The following TMEM163 variants were observed in gnomAD, a reference collection of about 807,000 sequenced individuals.
The protein encoded by TMEM163 is transmembrane protein 163.
TMEM163 carries 17 observed loss-of-function variants against 29.3 expected under a neutral mutation model. The ratio of observed to expected loss-of-function variants is 0.58; its 90% CI spans 0.40 to 0.87. TMEM163 has a LOEUF of 0.87. Ranked by LOEUF, TMEM163 falls within the 40% of genes least tolerant of loss-of-function variation. TMEM163 has a pLI of 0.00. For synonymous variants in TMEM163, 157 were observed against 160.6 expected (o/e 0.98, Z 0.17); for missense variants, 303 against 381.5 (o/e 0.79, Z 1.71).
intron 2 of TMEM163, among the ~76,000 whole-genome samples, chr2:134,691,125 G>A (rs940404264): frequency 7.9e-5 from 12 of 152,110 alleles, no homozygotes; most frequent in Admixed American, 3.3e-4. Context: ...CAGCAGTGAG[G>A]GCCTCAGCAG....
chr2:134,512,587 G>A (rs145125452), intron 4 of TMEM163, among the ~76,000 whole-genome samples: 167 of 152,352 alleles, frequency 1.1e-3, no homozygotes, highest in African/African-American at 3.8e-3. Flanking sequence ...AGGCACGCCA[G>A]AATTCATTCA....
chr2:134,605,970 T>C (rs1316720751), intron 2 of TMEM163, among the ~76,000 whole-genome samples: 2 of 151,934 alleles, frequency 1.3e-5, no homozygotes, highest in African/African-American at 4.9e-5. Flanking sequence ...GAAGTCCCCC[T>C]GGGGGTGATT....
chr2:134,484,033 G>A lies in TMEM163; in HGVS notation c.556-17808C>T, dbSNP rs1462777340. Reference sequence around the variant, plus strand: ...GGCGTGCCTGTAATCCCAGCTACTCGGGAGAGGTTGAGGCAGGAGAATCCC... The same window carrying A: ...GGCGTGCCTGTAATCCCAGCTACTCAGGAGAGGTTGAGGCAGGAGAATCCC... On this transcript the variant is annotated intron_variant, in intron 5 of 7. Coordinates refer to ENST00000281924, the MANE Select transcript of TMEM163 (RefSeq NM_030923.5). Among the ~76,000 whole-genome samples the A allele has an allele frequency of 5.3e-5, 8 of 152,100 alleles. No homozygotes were observed. In the East Asian group the frequency reaches 7.8e-4, roughly 15 times the overall value.
At chr2:134,536,863 A>T (rs1382190492) in intron 4 of TMEM163, among the ~76,000 whole-genome samples, 1 of 152,220 alleles carries the variant, frequency 6.6e-6, no homozygotes, top group Non-Finnish European at 1.5e-5. Flanking sequence ...TCTAGGGCCT[A>T]CAGGCACTTA....
intron 4 of TMEM163, among the ~76,000 whole-genome samples, chr2:134,536,965 G>A (rs983556313): frequency 6.6e-6 from 1 of 152,178 alleles, no homozygotes; most frequent in African/African-American, 2.4e-5. Flanking sequence ...TATTAATCAG[G>A]AAGGGGGTTG....
At position 134,497,833 on chromosome 2, in the gene TMEM163, A is replaced by G. The variant is rs371645870; in HGVS notation, c.555+5068T>C. On this transcript the variant is annotated intron_variant, in intron 5 of 7. Transcript: ENST00000281924. ...GCTTTCCCCAGACAAAGACAGCTAC[A>G]GCTGACTGAAGCCCAAGAGAGAGCA... Among the ~76,000 whole-genome samples, 88 of 152,300 alleles carry G rather than the reference A, an allele frequency of 5.8e-4. 1 individual carries two copies. Among genetic ancestry groups the G allele is most frequent in the African/African-American group, 1.9e-3 (79 of 41,562 alleles).
intron 2 of TMEM163, among the ~76,000 whole-genome samples, chr2:134,707,698 C>T (rs941865029): frequency 4.0e-5 from 6 of 151,840 alleles, no homozygotes; most frequent in South Asian, 2.1e-4. Context: ...AGGAAATTGG[C>T]GGTGTCATGG....
intron 2 of TMEM163, among the ~76,000 whole-genome samples, chr2:134,681,617 T>A (rs1345992431): frequency 6.6e-6 from 1 of 152,170 alleles, no homozygotes; most frequent in Non-Finnish European, 1.5e-5. Context: ...CTTCTATAAG[T>A]CACACAGGTT....
At chr2:134,584,265 T>G (rs929883396) in intron 2 of TMEM163, among the ~76,000 whole-genome samples, 33 of 152,144 alleles carry the variant, frequency 2.2e-4, no homozygotes, top group African/African-American at 7.7e-4. Context: ...AACCTTGAAA[T>G]GAAGAACATA....
chr2:134,633,441 G>A (rs1430954073), intron 2 of TMEM163, among the ~76,000 whole-genome samples: 1 of 152,098 alleles, frequency 6.6e-6, no homozygotes, highest in Non-Finnish European at 1.5e-5. Context: ...TGAGGCGAGA[G>A]GAAGAACTAA....
intron 2 of TMEM163, among the ~76,000 whole-genome samples, chr2:134,593,663 G>A (rs1275068835): frequency 1.3e-5 from 2 of 152,084 alleles, no homozygotes; most frequent in African/African-American, 4.8e-5. Context: ...TGGAAGGTAA[G>A]CCGAGTCTTG....
At chr2:134,611,612 A>C (rs1574279873) in intron 2 of TMEM163, among the ~76,000 whole-genome samples, 2 of 152,192 alleles carry the variant, frequency 1.3e-5, no homozygotes, top group Non-Finnish European at 2.9e-5. Flanking sequence ...GAGAGTGATG[A>C]GCAAAAGAAC....
intron 2 of TMEM163, among the ~76,000 whole-genome samples, chr2:134,661,128 C>T (rs1326036305): frequency 6.7e-6 from 1 of 149,696 alleles, no homozygotes; most frequent in Non-Finnish European, 1.5e-5. Context: ...TACTCTCTCA[C>T]ACACACATAC....
chr2:134,586,098 T>G (rs1681816739), intron 2 of TMEM163, among the ~76,000 whole-genome samples: 1 of 152,190 alleles, frequency 6.6e-6, no homozygotes, highest in African/African-American at 2.4e-5. Flanking sequence ...TACAGTTGAG[T>G]CAAGATACAT....
chr2:134,502,954 A>T lies in TMEM163; in HGVS notation c.502T>A (p.Cys168Ser), dbSNP rs766953910. 3 of 1,614,064 alleles carry T rather than the reference A, an allele frequency of 1.9e-6. No homozygotes were observed. The highest frequency in any genetic ancestry group is 1.7e-6 in the Non-Finnish European group (2 of 1,179,960). Residue 168 changes from cysteine (C) to serine (S), a missense_variant, in exon 5 of 8, where the codon TGT becomes AGT. This residue lies in a region of TMEM163 where 203 missense variants were observed against 294.3 expected (regional missense o/e 0.69). Transcript: ENST00000281924. ...TCATGGATGGCTTTGACCACTATAC[A>T]TATGGATGACAGAAGGAATATCACC... ...LGVIFLLSSI[C>S]IVVKAIHDLS...
chr2:134,528,283 T>G (rs1680339107), intron 4 of TMEM163, among the ~76,000 whole-genome samples: 1 of 152,244 alleles, frequency 6.6e-6, no homozygotes, highest in South Asian at 2.1e-4. Flanking sequence ...TTACTTCAAT[T>G]ATCAGATGGC....
intron 2 of TMEM163, among the ~76,000 whole-genome samples, chr2:134,585,580 A>T (rs929520035): frequency 1.3e-5 from 2 of 152,156 alleles, no homozygotes; most frequent in Non-Finnish European, 2.9e-5. Context: ...GTCTCTACTA[A>T]AAATACAAAA....
chr2:134,537,474 C>T (rs530026284), intron 4 of TMEM163, among the ~76,000 whole-genome samples: 20 of 152,262 alleles, frequency 1.3e-4, no homozygotes, highest in Admixed American at 6.5e-4. Flanking sequence ...TGGCACTAAT[C>T]CCATCATGGG....
chr2:134,503,106 A>T lies in TMEM163; in HGVS notation c.459-109T>A, dbSNP rs146142076. The T allele has an allele frequency of 9.1e-6, 10 of 1,094,452 alleles. 1 individual carries two copies. In the African/African-American group the frequency reaches 1.6e-4, roughly 17 times the overall value. 67.8% of individuals were successfully genotyped at this position (1,094,452 alleles called of 1,614,324 possible). A position where few individuals can be genotyped will look rare whatever the true frequency, so the allele number is the denominator to read the frequency against. On this transcript the variant is annotated intron_variant, in intron 4 of 7. Coordinates refer to ENST00000281924, the MANE Select transcript of TMEM163 (RefSeq NM_030923.5). ...CAATCTGGGAATGAACTCAATTGTAATTTGCCACACCCCCAGGGTGACCAC... is the reference window on the plus strand; with the variant it reads ...CAATCTGGGAATGAACTCAATTGTATTTTGCCACACCCCCAGGGTGACCAC...
Sources: allele counts gnomAD v4.1 joint callset (sites outside exome capture counted in the v4.1 genomes callset), GRCh38; gene constraint gnomAD v4.1.1; regional missense constraint gnomAD v4.1.1; transcripts MANE v1.5; gene names NCBI Gene and HGNC (gene_info 2026-07-23, HGNC 2026-07-21).